The following RANBP2 variants were observed in gnomAD, a reference collection of about 807,000 sequenced individuals.
RANBP2 encodes RAN binding protein 2.
A neutral mutation model predicts 303.6 loss-of-function variants in RANBP2; 57 were observed. The observed-to-expected ratio is 0.19, with a 90% CI of 0.15 to 0.23. RANBP2 has a LOEUF of 0.23. Among genes scored for constraint, RANBP2 ranks in the 10% least tolerant of loss-of-function variants. The pLI is 1.00. For missense variants in RANBP2, 3,138 were observed against 3,780.8 expected (o/e 0.83, Z 4.46); for synonymous variants, 1,167 against 1,301.5 (o/e 0.90, Z 2.23).
chr2:109,298,127 G>A, the RANBP2 span, among the ~76,000 whole-genome samples: 2 of 152,184 alleles, frequency 1.3e-5, no homozygotes, highest in Non-Finnish European at 2.9e-5. Context: ...GGTGAATAGG[G>A]CATTGTGGCA....
the RANBP2 span, among the ~76,000 whole-genome samples, chr2:109,317,924 G>A: frequency 1.3e-5 from 2 of 152,052 alleles, no homozygotes; most frequent in Admixed American, 6.5e-5. Flanking sequence ...TGGCTGCACC[G>A]CTGAGGGGAC....
chr2:108,816,584 C>T, the RANBP2 span, among the ~76,000 whole-genome samples: 1 of 152,122 alleles, frequency 6.6e-6, no homozygotes, highest in Non-Finnish European at 1.5e-5. Flanking sequence ...AGGTCTGTCT[C>T]CCTTTTATAA....
chr2:108,755,295 T>A, intron 17 of RANBP2, 36 bp downstream of exon 17: 1 of 1,611,442 alleles, frequency 6.2e-7, no homozygotes, highest in Non-Finnish European at 8.5e-7. Context: ...TACTTTTTAT[T>A]CCAAGATTCC....
chr2:109,103,954 C>A, the RANBP2 span, among the ~76,000 whole-genome samples: 83 of 152,024 alleles, frequency 5.5e-4, 1 homozygote, highest in African/African-American at 1.7e-3. Flanking sequence ...CCACCACACC[C>A]AGCTGATTTT....
At chr2:109,119,918 C>A in the RANBP2 span, among the ~76,000 whole-genome samples, 1 of 152,068 alleles carries the variant, frequency 6.6e-6, no homozygotes, top group African/African-American at 2.4e-5. Flanking sequence ...TTTTATGGAC[C>A]AAAAGAAATG....
the RANBP2 span, among the ~76,000 whole-genome samples, chr2:108,879,206 G>C: frequency 1.3e-5 from 2 of 152,120 alleles, no homozygotes; most frequent in Non-Finnish European, 2.9e-5. Context: ...TCCTGAGCTC[G>C]AGCAGTCTTC....
chr2:108,880,237 G>A, the RANBP2 span, among the ~76,000 whole-genome samples: 180 of 136,710 alleles, frequency 1.3e-3, no homozygotes, highest in African/African-American at 5.2e-3. Context: ...AAAAAAAAAC[G>A]AGAGAAGGCA....
At chr2:108,844,804 G>T in the RANBP2 span, among the ~76,000 whole-genome samples, 1 of 149,540 alleles carries the variant, frequency 6.7e-6, no homozygotes, top group Non-Finnish European at 1.5e-5. Context: ...CTGGAGAGCA[G>T]TGGCACGATC....
the RANBP2 span, among the ~76,000 whole-genome samples, chr2:108,980,561 T>C: frequency 6.6e-6 from 1 of 152,134 alleles, no homozygotes; most frequent in Non-Finnish European, 1.5e-5. Context: ...TGCATATGTA[T>C]AAGTCGTTGA....
At chr2:108,862,847 AG>A in the RANBP2 span, among the ~76,000 whole-genome samples, 1 of 152,018 alleles carries the variant, frequency 6.6e-6, no homozygotes, top group Non-Finnish European at 1.5e-5. Flanking sequence ...GCATATTTGC[AG>A]GTAGGCTATG....
Position 108,762,129 on chromosome 2 carries a change from T to C in RANBP2, c.2631T>C (p.Tyr877=). The change falls in exon 19 of 29, where the codon TAT becomes TAC. Residue 877 remains tyrosine (Y), a synonymous_variant. Coordinates refer to ENST00000283195, the MANE Select transcript of RANBP2 (RefSeq NM_006267.5). Reference sequence around the variant, plus strand: ...CAACTACTGGCCCTTCAGTATATTATAGTCAGTCACCAGCATATAATTCCC... The same window carrying C: ...CAACTACTGGCCCTTCAGTATATTACAGTCAGTCACCAGCATATAATTCCC... ...TVATTGPSVY[Y]SQSPAYNSQY... is the part of the protein sequence containing the mutation. The C allele has an allele frequency of 2.5e-6, 4 of 1,596,216 alleles. No homozygotes were observed. The highest frequency in any genetic ancestry group is 1.3e-5 in the African/African-American group (1 of 74,776).
chr2:109,561,473 T>C, the RANBP2 span, among the ~76,000 whole-genome samples: 8 of 152,156 alleles, frequency 5.3e-5, no homozygotes, highest in Non-Finnish European at 1.0e-4. Flanking sequence ...TGCAAAATAA[T>C]AGTAATCTCT....
the RANBP2 span, among the ~76,000 whole-genome samples, chr2:109,123,438 T>C: frequency 7.0e-6 from 1 of 141,954 alleles, no homozygotes; most frequent in African/African-American, 2.5e-5. Flanking sequence ...GCCCCAAGCA[T>C]GCCTTTCTCT....
chr2:108,890,386 A>G, the RANBP2 span, among the ~76,000 whole-genome samples: 3 of 152,000 alleles, frequency 2.0e-5, no homozygotes, highest in Non-Finnish European at 4.4e-5. Context: ...CTGGGACCAC[A>G]GGCACAAGCC....
the RANBP2 span, among the ~76,000 whole-genome samples, chr2:109,373,623 C>T: frequency 6.6e-6 from 1 of 152,050 alleles, no homozygotes; most frequent in Non-Finnish European, 1.5e-5. Context: ...TGACAGAAGT[C>T]AGAGCAGTAG....
the RANBP2 span, among the ~76,000 whole-genome samples, chr2:109,126,060 T>C: frequency 6.6e-6 from 1 of 152,190 alleles, no homozygotes; most frequent in East Asian, 1.9e-4. Flanking sequence ...CAACATTTGG[T>C]CGTCATTCCC....
the RANBP2 span, among the ~76,000 whole-genome samples, chr2:109,492,743 T>C: frequency 3.3e-5 from 5 of 152,134 alleles, no homozygotes; most frequent in Non-Finnish European, 7.4e-5. Context: ...GCCCACGCCC[T>C]GAGCTACCTC....
At chr2:109,685,503 C>T in the RANBP2 span, among the ~76,000 whole-genome samples, 2 of 152,334 alleles carry the variant, frequency 1.3e-5, no homozygotes, top group African/African-American at 2.4e-5. Context: ...TTGATCTTGA[C>T]GCAAAAGCTG....
At chr2:109,347,582 C>T in the RANBP2 span, 1 of 1,497,694 alleles carries the variant, frequency 6.7e-7, no homozygotes, top group South Asian at 1.3e-5. Flanking sequence ...ACACAGAAAG[C>T]CCCTGAGAAG....
Sources: gnomAD v4.1 joint callset for allele counts (sites outside exome capture counted in the v4.1 genomes callset) on GRCh38, gnomAD v4.1.1 for gene constraint, MANE v1.5 for transcripts, NCBI Gene and HGNC (gene_info 2026-07-23, HGNC 2026-07-21) for gene names.